FAM53B: variants seen among roughly 807,000 people sequenced by gnomAD.
FAM53B encodes family with sequence similarity 53 member B.
Under a neutral mutation model 32.7 loss-of-function variants are expected in FAM53B, and 12 were observed. The observed-to-expected ratio is 0.37, with a 90% CI of 0.24 to 0.59. The LOEUF (loss-of-function observed/expected upper bound fraction) is 0.59, where lower values mean the gene tolerates loss of function less well. Among genes scored for constraint, FAM53B ranks in the 20% least tolerant of loss-of-function variants. The probability of loss-of-function intolerance (pLI) is 0.72; values close to 1 mark genes in which losing one functional copy is unlikely to be tolerated. For synonymous variants in FAM53B, 234 were observed against 228.7 expected (o/e 1.02, Z -0.21); for missense variants, 477 against 577.7 (o/e 0.83, Z 1.79).
chr10:124,710,842 A>G (rs1355302144), intron 1 of FAM53B, among the ~76,000 whole-genome samples: 2 of 152,184 alleles, frequency 1.3e-5, no homozygotes, highest in Admixed American at 6.5e-5. Context: ...TCCGGGTTCA[A>G]AGCTGGGATT....
At chr10:124,681,420 T>C (rs1005164522) in intron 4 of FAM53B, among the ~76,000 whole-genome samples, 187 bp downstream of exon 4, 3 of 152,186 alleles carry the variant, frequency 2.0e-5, no homozygotes, top group East Asian at 1.9e-4. Context: ...TGCTTGTAAA[T>C]AGAAATAAAC....
chr10:124,625,608 G>A (rs1398885097), intron 4 of FAM53B, among the ~76,000 whole-genome samples: 2 of 152,336 alleles, frequency 1.3e-5, no homozygotes, highest in Admixed American at 6.5e-5. Context: ...AGGCCTGGGC[G>A]ATGGACCAGC....
intron 4 of FAM53B, among the ~76,000 whole-genome samples, chr10:124,665,859 T>G (rs949087881): frequency 3.9e-5 from 6 of 152,158 alleles, no homozygotes; most frequent in Admixed American, 3.9e-4. Flanking sequence ...AATCTAGAAT[T>G]GAATCTCGAT....
intron 4 of FAM53B, among the ~76,000 whole-genome samples, chr10:124,635,982 C>T (rs1007605135): frequency 3.3e-5 from 5 of 152,150 alleles, no homozygotes; most frequent in Admixed American, 2.6e-4. Flanking sequence ...AAGAAACTAG[C>T]GGTCCATCTG....
At chr10:124,732,202 C>T (rs1258904328) in intron 1 of FAM53B, among the ~76,000 whole-genome samples, 3 of 152,222 alleles carry the variant, frequency 2.0e-5, no homozygotes, top group Non-Finnish European at 4.4e-5. Context: ...CTCCAGCTCT[C>T]GCCTGTGCCT....
chr10:124,648,123 T>G (rs1008624867), intron 4 of FAM53B, among the ~76,000 whole-genome samples: 1 of 152,204 alleles, frequency 6.6e-6, no homozygotes, highest in Non-Finnish European at 1.5e-5. Flanking sequence ...TGGCACACCC[T>G]GCCTCCTCCA....
At chr10:124,668,613 C>A (rs536024602) in intron 4 of FAM53B, among the ~76,000 whole-genome samples, 31 of 152,404 alleles carry the variant, frequency 2.0e-4, no homozygotes, top group African/African-American at 6.7e-4. Context: ...AAAGGCACGA[C>A]AAGACCCAGG....
chr10:124,696,858 G>A (rs1234549422), intron 2 of FAM53B, among the ~76,000 whole-genome samples: 1 of 152,170 alleles, frequency 6.6e-6, no homozygotes, highest in Non-Finnish European at 1.5e-5. Flanking sequence ...CCTTGGCCCT[G>A]TATTTCCACA....
At chr10:124,687,005 C>T (rs1275485434) in intron 3 of FAM53B, among the ~76,000 whole-genome samples, 1 of 152,258 alleles carries the variant, frequency 6.6e-6, no homozygotes, top group African/African-American at 2.4e-5. Flanking sequence ...CAGGTGACCA[C>T]TTGCTCAGTC....
intron 4 of FAM53B, among the ~76,000 whole-genome samples, chr10:124,624,525 CAG>C (rs1001696251): frequency 6.6e-6 from 1 of 152,152 alleles, no homozygotes; most frequent in African/African-American, 2.4e-5. Context: ...TTTGAGGCCC[CAG>C]AGAGAGAGTA....
intron 4 of FAM53B, among the ~76,000 whole-genome samples, chr10:124,676,426 G>A (rs1490379902): frequency 6.6e-6 from 1 of 152,160 alleles, no homozygotes. Context: ...AGGATGGACA[G>A]GAAAAGTCAC....
chr10:124,626,165 G>A (rs1329223132), intron 4 of FAM53B, among the ~76,000 whole-genome samples: 1 of 152,256 alleles, frequency 6.6e-6, no homozygotes, highest in Non-Finnish European at 1.5e-5. Flanking sequence ...GTGGCCTGCT[G>A]CGAGTGTTTT....
rs1047838163 is a variant in FAM53B, at chr10:124,619,616, T to C, written c.*3626A>G. 2 of 151,274 alleles carry C rather than the reference T, an allele frequency of 1.3e-5. No individual in the cohort carries two copies. The highest frequency in any genetic ancestry group is 3.0e-5 in the Non-Finnish European group (2 of 67,776). The allele number at this position is 151,274 out of a possible 1,614,324, so 9.4% of individuals were successfully genotyped here. On this transcript the variant is annotated 3_prime_UTR_variant, in exon 5 of 5. Coordinates refer to ENST00000337318, the MANE Select transcript of FAM53B (RefSeq NM_014661.4). ...AAGACTATGCTAGAAGGTCAGACTA[T>C]CCTATCTAGGCTACAAGATCTCCAC...
intron 1 of FAM53B, among the ~76,000 whole-genome samples, chr10:124,711,633 T>A (rs1400479668): frequency 1.3e-5 from 2 of 152,222 alleles, no homozygotes; most frequent in African/African-American, 4.8e-5. Flanking sequence ...TTTTTAAAAC[T>A]TTTTTTAAAG....
In FAM53B at chr10:124,619,441, C is replaced by G. The variant is rs1949289164; in HGVS notation, c.*3801G>C. On this transcript the variant is annotated 3_prime_UTR_variant, in exon 5 of 5. Coordinates refer to ENST00000337318, the MANE Select transcript of FAM53B (RefSeq NM_014661.4). ...ACCCTGGGCCCCGGGTCTACGCTTT[C>G]TGGTCGCCACACTTCCTGAAGCACG... 1 of 152,506 alleles carries G rather than the reference C, an allele frequency of 6.6e-6. No homozygotes were observed. Among genetic ancestry groups the G allele is most frequent in the African/African-American group, 2.4e-5 (1 of 41,444 alleles). The allele number at this position is 152,506 out of a possible 1,614,324, so 9.4% of individuals were successfully genotyped here. A position where few individuals can be genotyped will look rare whatever the true frequency, so the allele number is the denominator to read the frequency against.
At chr10:124,665,138 A>G (rs1254791593) in intron 4 of FAM53B, among the ~76,000 whole-genome samples, 1 of 152,210 alleles carries the variant, frequency 6.6e-6, no homozygotes, top group Non-Finnish European at 1.5e-5. Flanking sequence ...TTCAGGCCCC[A>G]GCAGTTCACA....
At chr10:124,691,953 CA>C (rs1269585284) in intron 3 of FAM53B, among the ~76,000 whole-genome samples, 1 of 152,228 alleles carries the variant, frequency 6.6e-6, no homozygotes, top group Non-Finnish European at 1.5e-5. Context: ...GCCGGCTGAC[CA>C]GGGGGTGGGC....
chr10:124,714,700 A>G (rs905686379), intron 1 of FAM53B, among the ~76,000 whole-genome samples: 4 of 145,456 alleles, frequency 2.7e-5, no homozygotes, highest in Non-Finnish European at 6.0e-5. Flanking sequence ...CAGAGCTTGC[A>G]GTGAGCCAAG....
At chr10:124,623,670 C>A in intron 4 of FAM53B, 66 bp from the exon 5 acceptor site, 20 of 1,496,578 alleles carry the variant, frequency 1.3e-5, no homozygotes, top group Non-Finnish European at 1.8e-5. Flanking sequence ...GGACTGCACA[C>A]CCCACAAAGC....
Sources: allele counts gnomAD v4.1 joint callset (sites outside exome capture counted in the v4.1 genomes callset), GRCh38; gene constraint gnomAD v4.1.1; transcripts MANE v1.5; gene names NCBI Gene and HGNC (gene_info 2026-07-23, HGNC 2026-07-21).